Variants in OLA1 observed in about 807,000 individuals in gnomAD.
The protein encoded by OLA1 is obg-like ATPase 1.
OLA1 carries 14 observed loss-of-function variants against 48.4 expected under a neutral mutation model. The observed-to-expected ratio is 0.29, with a 90% CI of 0.19 to 0.45. The LOEUF is 0.45. Among genes scored for constraint, OLA1 ranks in the 20% least tolerant of loss-of-function variants. The pLI is 1.00. For missense variants in OLA1, 325 were observed against 467.1 expected (o/e 0.70, Z 2.80); for synonymous variants, 127 against 150.4 (o/e 0.84, Z 1.14).
At chr2:174,230,523 T>A (rs1166447044) in intron 2 of OLA1, among the ~76,000 whole-genome samples, 1 of 152,158 alleles carries the variant, frequency 6.6e-6, no homozygotes, top group Non-Finnish European at 1.5e-5. Context: ...TGACAGTTAG[T>A]GCTGCAAAAA....
At chr2:174,100,055 A>G (rs926090894) in intron 7 of OLA1, among the ~76,000 whole-genome samples, 7 of 152,242 alleles carry the variant, frequency 4.6e-5, no homozygotes, top group Admixed American at 3.9e-4. Flanking sequence ...GAATGGCTGC[A>G]TAAGTGTTTA....
intron 7 of OLA1, among the ~76,000 whole-genome samples, chr2:174,105,340 A>G (rs186242900): frequency 1.3e-5 from 2 of 152,106 alleles, no homozygotes; most frequent in Non-Finnish European, 2.9e-5. Flanking sequence ...ACTGCACATC[A>G]TCCTCTGGTT....
chr2:174,109,783 T>C lies in OLA1; in HGVS notation c.728+13397A>G, dbSNP rs147842832. Among the ~76,000 whole-genome samples the C allele has an allele frequency of 1.5e-3, 231 of 152,298 alleles. 1 individual carries two copies. The highest frequency in any genetic ancestry group is 2.7e-3 in the Non-Finnish European group (186 of 68,014). ...TAAATAATAAAAGCATTATCACCCA[T>C]TTTTCTCTTCCAGTCCTAAAACATG... On this transcript the variant is annotated intron_variant, in intron 7 of 10. Transcript: ENST00000284719.
intron 4 of OLA1, among the ~76,000 whole-genome samples, chr2:174,163,615 G>A (rs1012780052): frequency 6.7e-6 from 1 of 149,936 alleles, no homozygotes; most frequent in Non-Finnish European, 1.5e-5. Context: ...GCTTGAACCC[G>A]GGAGGCAGAG....
At chr2:174,163,708 AT>A (rs1253128502) in intron 4 of OLA1, among the ~76,000 whole-genome samples, 916 of 35,468 alleles carry the variant, frequency 0.026, 52 homozygotes, top group African/African-American at 0.1. Flanking sequence ...AAATAAATAA[AT>A]AAATATATAT....
At chr2:174,102,790 G>C (rs1459357921) in intron 7 of OLA1, among the ~76,000 whole-genome samples, 2 of 152,128 alleles carry the variant, frequency 1.3e-5, no homozygotes, top group Non-Finnish European at 2.9e-5. Context: ...TGTCTACAGT[G>C]GTAAATGCAG....
intron 1 of OLA1, chr2:174,248,019 CCT>C (rs1214222623): frequency 7.4e-6 from 3 of 403,882 alleles, no homozygotes; most frequent in Non-Finnish European, 1.4e-5. Context: ...AGTATTCCAG[CCT>C]CTGATCCCTG....
intron 5 of OLA1, among the ~76,000 whole-genome samples, chr2:174,129,222 G>C (rs1686118435): frequency 6.6e-6 from 1 of 152,118 alleles, no homozygotes; most frequent in Non-Finnish European, 1.5e-5. Flanking sequence ...ACTTTGGGAG[G>C]CCGAGGCAGG....
intron 4 of OLA1, among the ~76,000 whole-genome samples, chr2:174,150,256 T>C (rs1686711983): frequency 6.6e-6 from 1 of 152,142 alleles, no homozygotes; most frequent in East Asian, 1.9e-4. Flanking sequence ...GGGTTTGTTA[T>C]AAAAAGTTCG....
At position 174,183,124 on chromosome 2, in the gene OLA1, AT is replaced by A. The variant is rs1687584706; in HGVS notation, c.373+39908del. 2.6e-5 allele frequency among the ~76,000 whole-genome samples: 4 copies of A among 152,324 alleles called. No individual in the cohort carries two copies. The East Asian group carries it at 5.8e-4, about 22-fold the overall frequency. ...ACTACTTCAGCAAAAAAAATGGTCA[AT>A]CTTGGCTAATGTAACTACTGTATCT... On this transcript the variant is annotated intron_variant, in intron 4 of 10. Coordinates refer to ENST00000284719, the MANE Select transcript of OLA1 (RefSeq NM_013341.5).
At chr2:174,248,192 T>C (rs1689170595) in intron 1 of OLA1, 1 of 160,548 alleles carries the variant, frequency 6.2e-6, no homozygotes, top group Non-Finnish European at 1.4e-5. Context: ...CCCCCCATCC[T>C]CCTCTCCGGA....
At chr2:174,192,024 A>G (rs1687788055) in intron 4 of OLA1, among the ~76,000 whole-genome samples, 1 of 152,186 alleles carries the variant, frequency 6.6e-6, no homozygotes, top group Non-Finnish European at 1.5e-5. Flanking sequence ...GCAATTTTCT[A>G]CTTACTCCAG....
chr2:174,122,759 C>T (rs1449526382), intron 7 of OLA1, among the ~76,000 whole-genome samples: 2 of 145,240 alleles, frequency 1.4e-5, no homozygotes, highest in East Asian at 4.0e-4. Context: ...TTTTTTAAAG[C>T]ATTCAATCTG....
chr2:174,190,751 A>G (rs998843062), intron 4 of OLA1, among the ~76,000 whole-genome samples: 4 of 151,900 alleles, frequency 2.6e-5, no homozygotes, highest in Non-Finnish European at 5.9e-5. Context: ...CCAAAGGACA[A>G]AAATATACCT....
At chr2:174,087,354 C>T (rs1231744399) in intron 7 of OLA1, among the ~76,000 whole-genome samples, 1 of 151,986 alleles carries the variant, frequency 6.6e-6, no homozygotes, top group African/African-American at 2.4e-5. Context: ...ACTACCACAC[C>T]ATCATCAATA....
chr2:174,170,975 G>A (rs1345325185), intron 4 of OLA1, among the ~76,000 whole-genome samples: 1 of 152,152 alleles, frequency 6.6e-6, no homozygotes, highest in African/African-American at 2.4e-5. Flanking sequence ...GGCTATAGTA[G>A]CTGTATTAAT....
chr2:174,075,268 A>G lies in OLA1; in HGVS notation c.*158T>C, dbSNP rs966551889. 18 of 484,510 alleles carry G rather than the reference A, an allele frequency of 3.7e-5. No homozygotes were observed. The highest frequency in any genetic ancestry group is 5.5e-5 in the Non-Finnish European group (15 of 271,542). 30.0% of individuals were successfully genotyped at this position (484,510 alleles called of 1,614,324 possible). ...CTGCATTTCATGGGGGGGGGGGGGT[A>G]CACAGTATTTTAATTTTAAAACAAA... On this transcript the variant is annotated 3_prime_UTR_variant, in exon 11 of 11. Coordinates refer to ENST00000284719, the MANE Select transcript of OLA1 (RefSeq NM_013341.5).
At chr2:174,101,587 T>G (rs1224722953) in intron 7 of OLA1, among the ~76,000 whole-genome samples, 4 of 152,234 alleles carry the variant, frequency 2.6e-5, no homozygotes, top group African/African-American at 9.6e-5. Context: ...TCCTGGGTTG[T>G]GAAGATATTC....
chr2:174,082,602 C>T (rs1351877579), intron 7 of OLA1, among the ~76,000 whole-genome samples: 2 of 151,984 alleles, frequency 1.3e-5, no homozygotes, highest in Admixed American at 6.6e-5. Flanking sequence ...TTTTCCTAGC[C>T]AGAACAAGCA....
Sources: gnomAD v4.1 joint callset for allele counts (sites outside exome capture counted in the v4.1 genomes callset) on GRCh38, gnomAD v4.1.1 for gene constraint, MANE v1.5 for transcripts, NCBI Gene and HGNC (gene_info 2026-07-23, HGNC 2026-07-21) for gene names.